G3BP2: variants seen among roughly 807,000 people sequenced by gnomAD.
G3BP2 encodes ras GTPase-activating protein-binding protein 2.
G3BP2 carries 11 observed loss-of-function variants against 56.7 expected under a neutral mutation model. The ratio of observed to expected loss-of-function variants is 0.19; its 90% CI spans 0.12 to 0.32. The LOEUF (loss-of-function observed/expected upper bound fraction) is 0.32, where lower values mean the gene tolerates loss of function less well. Ranked by LOEUF, G3BP2 falls within the 10% of genes least tolerant of loss-of-function variation. G3BP2 has a pLI of 1.00. For synonymous variants in G3BP2, 165 were observed against 191.6 expected (o/e 0.86, Z 1.15); for missense variants, 340 against 610.9 (o/e 0.56, Z 4.67).
chr4:75,682,641 C>G (rs780259990), intron 3 of G3BP2, among the ~76,000 whole-genome samples: 9 of 152,084 alleles, frequency 5.9e-5, no homozygotes, highest in Non-Finnish European at 1.3e-4. Flanking sequence ...AGACAGAAAA[C>G]TTGGTAGTTG....
At chr4:75,707,676 T>C (rs1719606575) in intron 3 of G3BP2, among the ~76,000 whole-genome samples, 2 of 152,124 alleles carry the variant, frequency 1.3e-5, no homozygotes, top group South Asian at 2.1e-4. Context: ...GTTAGCTTTA[T>C]TATAATCCGG....
intron 3 of G3BP2, among the ~76,000 whole-genome samples, chr4:75,700,565 C>A (rs74846489): frequency 6.9e-6 from 1 of 145,280 alleles, no homozygotes; most frequent in Non-Finnish European, 1.5e-5. Context: ...GGACTATAGG[C>A]GCGTGCCACC....
chr4:75,647,895 T>C (rs1469094655), intron 9 of G3BP2, among the ~76,000 whole-genome samples: 3 of 152,076 alleles, frequency 2.0e-5, no homozygotes, highest in African/African-American at 7.2e-5. Context: ...TCTTACAGAG[T>C]TCAAATAAAA....
At chr4:75,667,282 A>G (rs1406016691) in intron 1 of G3BP2, among the ~76,000 whole-genome samples, 2 of 97,668 alleles carry the variant, frequency 2.0e-5, no homozygotes, top group Non-Finnish European at 4.5e-5. Context: ...GGAGTGAGAC[A>G]CTGTTTAAAA....
intron 3 of G3BP2, among the ~76,000 whole-genome samples, chr4:75,680,861 G>A (rs573114159): frequency 3.3e-5 from 5 of 152,018 alleles, no homozygotes; most frequent in South Asian, 2.1e-4. Flanking sequence ...CCAGCTACTC[G>A]GGAGGCCGAG....
chr4:75,697,294 A>AAAAAAAAAAAAAAAAAAAAAAAAAAAC (rs1719162519), intron 3 of G3BP2, among the ~76,000 whole-genome samples: 1 of 108,524 alleles, frequency 9.2e-6, no homozygotes. Context: ...AAAAAAAAAA[A>AAAAAAAAAAAAAAAAAAAAAAAAAAAC]AAAAAAAGAT....
rs1226836764 is a variant in G3BP2 at position 75,672,977 on chromosome 4, T to C, written c.-25+231A>G. 1.6e-5 allele frequency: 16 copies of C among 984,818 alleles called. No individual in the cohort carries two copies. In the Admixed American group the frequency reaches 8.6e-4, roughly 53 times the overall value. 61.0% of individuals were successfully genotyped at this position (984,818 alleles called of 1,614,324 possible). A position where few individuals can be genotyped will look rare whatever the true frequency, so the allele number is the denominator to read the frequency against. ...TCGGAGCCCTCTGCCCGCAAGACGC[T>C]CGCGGGTCACCTCCCTTCCCAGGCG... On this transcript the variant is annotated intron_variant, in intron 1 of 11. Transcript: ENST00000359707.
rs1226065632 is a variant in G3BP2, at chr4:75,668,402, C to T, written c.-25+4806G>A. 2.6e-5 allele frequency among the ~76,000 whole-genome samples: 4 copies of T among 152,164 alleles called. No individual in the cohort carries two copies. The East Asian group carries it at 7.7e-4, about 29-fold the overall frequency. On this transcript the variant is annotated intron_variant, in intron 1 of 11. Coordinates refer to ENST00000359707, the MANE Select transcript of G3BP2 (RefSeq NM_203505.3). ...TACTATAATGGGGCTGCCTCCAAAACAATCAATCTTAGGCTACATTAATTT... is the reference window on the plus strand; with the variant it reads ...TACTATAATGGGGCTGCCTCCAAAATAATCAATCTTAGGCTACATTAATTT...
intron 3 of G3BP2, among the ~76,000 whole-genome samples, chr4:75,707,186 A>C (rs1719580960): frequency 6.6e-6 from 1 of 151,788 alleles, no homozygotes; most frequent in Non-Finnish European, 1.5e-5. Flanking sequence ...AAAAAAAAAA[A>C]AAAAAAACAG....
At chr4:75,704,631 T>A (rs1719475167) in intron 3 of G3BP2, among the ~76,000 whole-genome samples, 1 of 149,184 alleles carries the variant, frequency 6.7e-6, no homozygotes, top group Non-Finnish European at 1.5e-5. Context: ...TATATTTTTT[T>A]AATTTAATTT....
intron 3 of G3BP2, among the ~76,000 whole-genome samples, chr4:75,712,091 C>T (rs75216129): frequency 0.024 from 3,687 of 152,190 alleles, 140 homozygotes; most frequent in African/African-American, 0.084. Context: ...GTGATAGATA[C>T]GCTAATTACC....
intron 2 of G3BP2, 111 bp downstream of exon 2, chr4:75,661,820 T>C (rs1381533610): frequency 3.2e-6 from 2 of 626,338 alleles, no homozygotes; most frequent in Non-Finnish European, 5.8e-6. Context: ...AGTTTAGACA[T>C]GTTTACAAAG....
chr4:75,686,691 A>G (rs1718623184), intron 3 of G3BP2, among the ~76,000 whole-genome samples: 1 of 152,114 alleles, frequency 6.6e-6, no homozygotes. Flanking sequence ...TATCTCACAA[A>G]GGGGGGAAAT....
At chr4:75,677,525 C>T (rs1719497108), upstream of G3BP2, among the ~76,000 whole-genome samples, 1 of 151,674 alleles carries the variant, frequency 6.6e-6, no homozygotes, top group Admixed American at 6.6e-5. Context: ...AACCCGAGAT[C>T]GCACCACTTC....
At chr4:75,653,429 T>C (rs1175898735) in intron 8 of G3BP2, among the ~76,000 whole-genome samples, 1 of 152,054 alleles carries the variant, frequency 6.6e-6, no homozygotes, top group African/African-American at 2.4e-5. Flanking sequence ...ATGGGTAAGA[T>C]GACAAACAGA....
At chr4:75,686,956 G>A (rs1421603149) in intron 3 of G3BP2, among the ~76,000 whole-genome samples, 1 of 152,132 alleles carries the variant, frequency 6.6e-6, no homozygotes, top group African/African-American at 2.4e-5. Context: ...GGCTGAGCAT[G>A]GTGGCTCATG....
In G3BP2 at chr4:75,655,857, T is replaced by A; in HGVS notation, c.456A>T (p.Glu152Asp). Residue 152 changes from glutamate (E) to aspartate (D), a missense_variant, in exon 6 of 12, where the codon GAA becomes GAT. Physicochemically the swap from Glu to Asp is conservative, Grantham distance 45. Around this residue, in one of 4 missense-constraint regions of G3BP2, gnomAD observed 224 missense variants for 332.5 expected, o/e 0.67. Transcript: ENST00000359707. ...GTCTTTCTTCTTGTTCCTCTTCTAC[T>A]TCATCTTCTGATTCTGAAAATACAT... ...EPELDEESED[E>D]VEEEQEERQP... 1 of 1,553,672 alleles carries A rather than the reference T, an allele frequency of 6.4e-7. No homozygotes were observed. Among genetic ancestry groups the A allele is most frequent in the African/African-American group, 1.4e-5 (1 of 73,840 alleles).
intron 10 of G3BP2, 147 bp downstream of exon 10, chr4:75,646,882 C>T (rs945331968): frequency 7.2e-6 from 4 of 555,402 alleles, no homozygotes; most frequent in Non-Finnish European, 9.4e-6. Flanking sequence ...TCATCTACTC[C>T]CTTCTGCACA....
At chr4:75,700,249 T>G (rs1246766933) in intron 3 of G3BP2, among the ~76,000 whole-genome samples, 1 of 151,544 alleles carries the variant, frequency 6.6e-6, no homozygotes, top group African/African-American at 2.4e-5. Context: ...AGACGGGGTT[T>G]GACCACGTTG....
Sources: gnomAD v4.1 joint callset for allele counts (sites outside exome capture counted in the v4.1 genomes callset) on GRCh38, gnomAD v4.1.1 for gene constraint, gnomAD v4.1.1 regional missense constraint, MANE v1.5 for transcripts, NCBI Gene and HGNC (gene_info 2026-07-23, HGNC 2026-07-21) for gene names.